The following HTT variants were observed in gnomAD, a reference collection of about 807,000 sequenced individuals.
The protein encoded by HTT is huntingtin, also known as huntington disease protein.
Under a neutral mutation model 362.3 loss-of-function variants are expected in HTT, and 104 were observed. The ratio of observed to expected loss-of-function variants is 0.29; its 90% CI spans 0.24 to 0.34. HTT has a LOEUF of 0.34. Ranked by LOEUF, HTT falls within the 10% of genes least tolerant of loss-of-function variation. The pLI is 1.00. For missense variants in HTT, 3,301 were observed against 3,928.6 expected (o/e 0.84, Z 4.27); for synonymous variants, 1,577 against 1,548.7 (o/e 1.02, Z -0.43).
intron 40 of HTT, among the ~76,000 whole-genome samples, chr4:3,191,154 GCTTTCTTT>G (rs71180117): frequency 0.014 from 2,139 of 147,932 alleles, 20 homozygotes; most frequent in Non-Finnish European, 0.023. Context: ...TACTGCTTGA[GCTTTCTTT>G]CTTTCTTTCT....
At chr4:3,198,528 A>G (rs1719374774) in intron 40 of HTT, among the ~76,000 whole-genome samples, 1 of 152,108 alleles carries the variant, frequency 6.6e-6, no homozygotes, top group South Asian at 2.1e-4. Context: ...CCCGGCCTGA[A>G]ATTTAAATCA....
At chr4:3,131,899 C>G (rs964290751) in intron 16 of HTT, 124 bp downstream of exon 16, 10 of 853,240 alleles carry the variant, frequency 1.2e-5, no homozygotes, top group Non-Finnish European at 1.8e-5. Flanking sequence ...ATTTGACCTG[C>G]GTTGTAGCTC....
chr4:3,197,684 G>A (rs1342396143), intron 40 of HTT, among the ~76,000 whole-genome samples: 1 of 152,104 alleles, frequency 6.6e-6, no homozygotes, highest in Non-Finnish European at 1.5e-5. Flanking sequence ...TACACCTAAG[G>A]AAGCTGAGGC....
chr4:3,230,986 G>A lies in HTT; in HGVS notation c.8265+944G>A, dbSNP rs533996796. 2.0e-4 allele frequency among the ~76,000 whole-genome samples: 31 copies of A among 152,310 alleles called. 1 individual carries two copies. The highest frequency in any genetic ancestry group is 7.2e-4 in the African/African-American group (30 of 41,556). The stretch of plus-strand genomic sequence containing the variant: ...TATCAGGATTCAGCCAGTGCAGCAT[G>A]GTACCTGTATTCTGTGGCACATCAC... On this transcript the variant is annotated intron_variant, in intron 60 of 66. Transcript: ENST00000355072.
chr4:3,242,199 A>G lies in HTT; in HGVS notation c.*2140A>G, dbSNP rs759488296. ...AAACAGAGCCATTCCCTTGGAATGC[A>G]TATCGCTGGGCTCAACATAGAGTTT... On this transcript the variant is annotated 3_prime_UTR_variant, in exon 67 of 67. Coordinates refer to ENST00000355072, the MANE Select transcript of HTT (RefSeq NM_001388492.1). The G allele has an allele frequency of 2.0e-5, 3 of 152,318 alleles. No individual in the cohort carries two copies. The highest frequency in any genetic ancestry group is 1.9e-4 in the East Asian group (1 of 5,182). The allele number at this position is 152,318 out of a possible 1,614,324, so 9.4% of individuals were successfully genotyped here. A position where few individuals can be genotyped will look rare whatever the true frequency, so the allele number is the denominator to read the frequency against.
intron 29 of HTT, among the ~76,000 whole-genome samples, chr4:3,171,560 C>G (rs1230192643): frequency 1.3e-5 from 2 of 151,862 alleles, no homozygotes; most frequent in Non-Finnish European, 2.9e-5. Context: ...TCACTGTAAC[C>G]TCTGCCTCCC....
chr4:3,238,634 T>G, intron 65 of HTT, 25 bp downstream of exon 65: 1 of 1,579,310 alleles, frequency 6.3e-7, no homozygotes, highest in Non-Finnish European at 8.6e-7. Context: ...GGGATGGGGA[T>G]GGAGTGGGAA....
At position 3,121,467 on chromosome 4, in the gene HTT, C is replaced by T. The variant is rs773899163; in HGVS notation, c.1273+35C>T. 13 of 1,447,804 alleles carry T rather than the reference C, an allele frequency of 9.0e-6. No individual in the cohort carries two copies. In the South Asian group the frequency reaches 1.4e-4, roughly 15 times the overall value. 89.7% of individuals were successfully genotyped at this position (1,447,804 alleles called of 1,614,324 possible). ...TAGCAAGGTCTACTCTTACAATTAACTTTGCAGTAATACTAGTTACACTCT... is the reference window on the plus strand; with the variant it reads ...TAGCAAGGTCTACTCTTACAATTAATTTTGCAGTAATACTAGTTACACTCT... On this transcript the variant is annotated intron_variant, in intron 9 of 66. Coordinates refer to ENST00000355072, the MANE Select transcript of HTT (RefSeq NM_001388492.1).
rs1388535109 is a variant in HTT, at chr4:3,209,926, A to G, written c.6391A>G (p.Met2131Val). 10 of 1,613,974 alleles carry G rather than the reference A, an allele frequency of 6.2e-6. No individual in the cohort carries two copies. The highest frequency in any genetic ancestry group is 8.5e-6 in the Non-Finnish European group (10 of 1,179,970). The change falls in exon 47 of 67, where the codon ATG becomes GTG. Residue 2131 changes from methionine to valine, a missense_variant. Transcript: ENST00000355072. Reference protein sequence around the residue: ...ELVNRIPAEDMNAFMMNSEFN... With the variant: ...ELVNRIPAEDVNAFMMNSEFN... The stretch of plus-strand genomic sequence containing the variant: ...GGTGAATCGGATTCCTGCTGAAGAT[A>G]TGAATGCCTTCATGATGAACTCGGT...
chr4:3,099,707 G>A (rs543299546), intron 3 of HTT, among the ~76,000 whole-genome samples: 1 of 149,312 alleles, frequency 6.7e-6, no homozygotes, highest in Admixed American at 6.7e-5. Flanking sequence ...TGTATGGTTT[G>A]CAGGTGCTCT....
At position 3,113,655 on chromosome 4, in the gene HTT, T is replaced by C. The variant is rs147862408; in HGVS notation, c.748-1649T>C. On this transcript the variant is annotated intron_variant, in intron 6 of 66. Transcript: ENST00000355072. ...AAAGTAGTTTTTTAAGATGTTAGTA[T>C]CTTTTCTTGCAGCTAAAAAAGTTTG... is the stretch of plus-strand genomic sequence containing the variant. 3.5e-3 allele frequency among the ~76,000 whole-genome samples: 533 copies of C among 152,296 alleles called. 2 individuals are homozygous for C. Among genetic ancestry groups the C allele is most frequent in the African/African-American group, 0.012 (518 of 41,576 alleles).
intron 41 of HTT, among the ~76,000 whole-genome samples, chr4:3,202,520 A>C (rs1719630618): frequency 6.6e-6 from 1 of 152,080 alleles, no homozygotes; most frequent in African/African-American, 2.4e-5. Flanking sequence ...TTGACACATA[A>C]TTTACAATAC....
In HTT at chr4:3,233,258, C is replaced by G; in HGVS notation, c.8361C>G (p.Leu2787=). The G allele has an allele frequency of 6.2e-7, 1 of 1,611,744 alleles. No individual in the cohort carries two copies. Among genetic ancestry groups the G allele is most frequent in the South Asian group, 1.1e-5 (1 of 91,054 alleles). ...PSRVGALHGV[L]YVLECDLLDD... ...GGGTTGGAGCCCTGCACGGCGTCCT[C>G]TATGTGCTGGAGTGCGACCTGCTGG... is the stretch of plus-strand genomic sequence containing the variant. The change falls in exon 61 of 67, where the codon CTC becomes CTG. Residue 2787 remains leucine, a synonymous_variant. Transcript: ENST00000355072.
chr4:3,232,346 C>G (rs1446467700), intron 60 of HTT, among the ~76,000 whole-genome samples: 1 of 152,206 alleles, frequency 6.6e-6, no homozygotes, highest in East Asian at 1.9e-4. Context: ...GCCGCCTGGC[C>G]ATCCAGCGCT....
intron 59 of HTT, 103 bp downstream of exon 59, chr4:3,229,112 C>A: frequency 8.6e-7 from 1 of 1,159,736 alleles, no homozygotes; most frequent in Non-Finnish European, 1.2e-6. Flanking sequence ...GCCACTTGCA[C>A]ACACACCCCT....
Position 3,199,947 on chromosome 4 carries a change from C to T in HTT, c.5576+8C>T. 1.2e-6 allele frequency: 2 copies of T among 1,608,056 alleles called. No homozygotes were observed. Among genetic ancestry groups the T allele is most frequent in the Non-Finnish European group, 1.7e-6 (2 of 1,176,924 alleles). ...AGTGCAGCAGACCCCGAAGTAGGTTCATAATGCCCCACAGCCCAGGGCGCC... is the reference window on the plus strand; with the variant it reads ...AGTGCAGCAGACCCCGAAGTAGGTTTATAATGCCCCACAGCCCAGGGCGCC... On this transcript the variant is annotated splice_region_variant and intron_variant, in intron 41 of 66. Transcript: ENST00000355072.
rs757766529 is a variant in HTT at position 3,206,837 on chromosome 4, T to C, written c.5929T>C (p.Leu1977=). Residue 1977 remains leucine (L), a synonymous_variant, in exon 44 of 67, where the codon TTG becomes CTG. Coordinates refer to ENST00000355072, the MANE Select transcript of HTT (RefSeq NM_001388492.1). The surrounding 1 kb of genome is among the most constrained non-coding windows in gnomAD (Gnocchi z 4.6). ...CATGCTGAAGAAAACTCTTCAGTGC[T>C]TGGAGGGGATCCATCTCAGCCAGTC... is the stretch of plus-strand genomic sequence containing the variant. ...PTMLKKTLQC[L]EGIHLSQSGA... 1 of 1,610,162 alleles carries C rather than the reference T, an allele frequency of 6.2e-7. No homozygotes were observed. The highest frequency in any genetic ancestry group is 8.5e-7 in the Non-Finnish European group (1 of 1,177,184).
chr4:3,126,896 C>T lies in HTT; in HGVS notation c.1403-368C>T, dbSNP rs1370687814. Among the ~76,000 whole-genome samples, 4 of 152,156 alleles carry T rather than the reference C, an allele frequency of 2.6e-5. No homozygotes were observed. In the East Asian group the frequency reaches 5.8e-4, roughly 22 times the overall value. On this transcript the variant is annotated intron_variant, in intron 11 of 66. Transcript: ENST00000355072. ...GACCACTGCTTGCTTAGAGGGCCTG[C>T]GTGTCTGTGACCGCCTAGCTTTGCG...
chr4:3,121,516 C>T (rs552566747), intron 9 of HTT, 84 bp downstream of exon 9: 1 of 858,598 alleles, frequency 1.2e-6, no homozygotes, highest in African/African-American at 1.7e-5. Flanking sequence ...CTGCCCTGTG[C>T]TAAGCAGTCT....
Sources: gnomAD v4.1 joint callset for allele counts (sites outside exome capture counted in the v4.1 genomes callset) on GRCh38, gnomAD v4.1.1 for gene constraint, Gnocchi (gnomAD v3.1) non-coding constraint, MANE v1.5 for transcripts, NCBI Gene and HGNC (gene_info 2026-07-23, HGNC 2026-07-21) for gene names.